Variants in ST6GALNAC5 observed in about 807,000 individuals in gnomAD.
ST6GALNAC5 encodes the protein alpha-N-acetylgalactosaminide alpha-2,6-sialyltransferase 5.
Under a neutral mutation model 33.6 loss-of-function variants are expected in ST6GALNAC5, and 27 were observed. The observed-to-expected ratio is 0.80, with a 90% confidence interval of 0.59 to 1.11. ST6GALNAC5 has a LOEUF of 1.11. Among genes scored for constraint, ST6GALNAC5 ranks in the 50% least tolerant of loss-of-function variants. ST6GALNAC5 has a pLI of 0.00. For missense variants in ST6GALNAC5, 428 were observed against 454.0 expected (o/e 0.94, Z 0.52); for synonymous variants, 194 against 171.2 (o/e 1.13, Z -1.04).
In ST6GALNAC5 at chr1:77,041,346, G is replaced by A. The variant is rs577799462; in HGVS notation, c.262-2858G>A. 4.6e-5 allele frequency among the ~76,000 whole-genome samples: 7 copies of A among 152,290 alleles called. No individual in the cohort carries two copies. In the East Asian group the frequency reaches 9.7e-4, roughly 21 times the overall value. ...TGGTTTGTCTGGGGGCACCCTCAAT[G>A]TGGACTGTATGCTCTTTTATTGTGT... On this transcript the variant is annotated intron_variant, in intron 2 of 4. Transcript: ENST00000477717.
At chr1:77,048,855 T>C (rs1652104454) in intron 3 of ST6GALNAC5, among the ~76,000 whole-genome samples, 1 of 152,180 alleles carries the variant, frequency 6.6e-6, no homozygotes, top group African/African-American at 2.4e-5. Flanking sequence ...CTATGCCTCC[T>C]TTATAGATAA....
chr1:76,990,008 A>G (rs1015362858), intron 2 of ST6GALNAC5, among the ~76,000 whole-genome samples: 2 of 152,280 alleles, frequency 1.3e-5, no homozygotes, highest in Admixed American at 1.3e-4. Flanking sequence ...GCTTTTAGAA[A>G]ATCTTAAAAG....
chr1:76,870,687 G>C (rs1653483449), intron 2 of ST6GALNAC5, among the ~76,000 whole-genome samples: 2 of 152,148 alleles, frequency 1.3e-5, no homozygotes, highest in Non-Finnish European at 2.9e-5. Context: ...TGTAGTAAAA[G>C]GGTTTTACAA....
At position 77,063,054 on chromosome 1, in the gene ST6GALNAC5, G is replaced by C; in HGVS notation, c.859G>C (p.Glu287Gln). The C allele has an allele frequency of 6.2e-7, 1 of 1,613,858 alleles. No individual in the cohort carries two copies. Among genetic ancestry groups the C allele is most frequent in the Non-Finnish European group, 8.5e-7 (1 of 1,179,912 alleles). ...TGAATGTACAATGTACCTCTCCCAT[G>C]AGCGAGGACGCAAGGGCAGTCATCA... Reference protein sequence around the residue: ...PDECTMYLSHERGRKGSHHRF... With the variant: ...PDECTMYLSHQRGRKGSHHRF... The change falls in exon 5 of 5, where the codon GAG becomes CAG. Residue 287 changes from glutamate to glutamine, a missense_variant. Physicochemically the swap from Glu to Gln is conservative, Grantham distance 29. Transcript: ENST00000477717.
intron 2 of ST6GALNAC5, among the ~76,000 whole-genome samples, chr1:77,006,879 T>C (rs1650440779): frequency 6.6e-6 from 1 of 152,184 alleles, no homozygotes; most frequent in Non-Finnish European, 1.5e-5. Context: ...TGTTCTCAGA[T>C]GGCCTCAGTC....
intron 4 of ST6GALNAC5, among the ~76,000 whole-genome samples, chr1:77,060,757 G>T (rs1652549422): frequency 6.6e-6 from 1 of 152,058 alleles, no homozygotes; most frequent in Non-Finnish European, 1.5e-5. Context: ...TCTTTAGCTG[G>T]TTTCCAATTG....
chr1:76,940,166 CACGACTCT>C (rs1647299639), intron 2 of ST6GALNAC5, among the ~76,000 whole-genome samples: 1 of 152,026 alleles, frequency 6.6e-6, no homozygotes, highest in South Asian at 2.1e-4. Context: ...AATTACTGGA[CACGACTCT>C]AAGTAGCAGA....
rs202003034 is a variant in ST6GALNAC5 at position 76,944,877 on chromosome 1, G to GA, written c.261+76144dup. ...TTTTCTGCTCAGAATTCAACTGAGG[G>GA]AAAAAAAAATGTGTTTTGAGTAATA... On this transcript the variant is annotated intron_variant, in intron 2 of 4. Transcript: ENST00000477717. 3.5e-3 allele frequency among the ~76,000 whole-genome samples: 522 copies of GA among 150,840 alleles called. 2 individuals are homozygous for GA. The highest frequency in any genetic ancestry group is 0.012 in the African/African-American group (480 of 41,180).
chr1:76,963,123 T>C (rs1305338250), intron 2 of ST6GALNAC5, among the ~76,000 whole-genome samples: 1 of 152,172 alleles, frequency 6.6e-6, no homozygotes, highest in Non-Finnish European at 1.5e-5. Context: ...AGGAACAGAC[T>C]GAGCTAAGGC....
intron 2 of ST6GALNAC5, among the ~76,000 whole-genome samples, chr1:76,962,799 T>C (rs903518277): frequency 1.3e-5 from 2 of 152,222 alleles, no homozygotes; most frequent in African/African-American, 4.8e-5. Flanking sequence ...AATCAGATTT[T>C]TTCATAATCT....
At chr1:76,978,826 G>A (rs1480333647) in intron 2 of ST6GALNAC5, among the ~76,000 whole-genome samples, 2 of 152,304 alleles carry the variant, frequency 1.3e-5, no homozygotes, top group East Asian at 3.9e-4. Flanking sequence ...CTGAAAGGAG[G>A]AAGCCAAATT....
At chr1:76,978,960 G>A (rs916448207) in intron 2 of ST6GALNAC5, among the ~76,000 whole-genome samples, 3 of 152,008 alleles carry the variant, frequency 2.0e-5, no homozygotes, top group African/African-American at 7.2e-5. Flanking sequence ...ATAAAAATTA[G>A]TAGTATTTCT....
At chr1:77,021,363 A>G (rs1216239802) in intron 2 of ST6GALNAC5, among the ~76,000 whole-genome samples, 1 of 152,200 alleles carries the variant, frequency 6.6e-6, no homozygotes, top group African/African-American at 2.4e-5. Flanking sequence ...TTCTCTGTGA[A>G]ACTAGAATGT....
At chr1:76,973,034 T>C (rs1387519723) in intron 2 of ST6GALNAC5, among the ~76,000 whole-genome samples, 1 of 152,142 alleles carries the variant, frequency 6.6e-6, no homozygotes, top group Non-Finnish European at 1.5e-5. Flanking sequence ...AGGGTATTAG[T>C]CAATTGTCTG....
chr1:76,995,227 AT>A (rs1649883034), intron 2 of ST6GALNAC5, among the ~76,000 whole-genome samples: 2 of 152,184 alleles, frequency 1.3e-5, no homozygotes, highest in Admixed American at 6.5e-5. Context: ...GCAAGACCTC[AT>A]CTCTATAAAA....
At chr1:76,960,082 T>G (rs1045214586) in intron 2 of ST6GALNAC5, among the ~76,000 whole-genome samples, 1 of 152,182 alleles carries the variant, frequency 6.6e-6, no homozygotes, top group African/African-American at 2.4e-5. Context: ...TACACTATGT[T>G]GGTATATTCA....
rs1206121579 is a variant in ST6GALNAC5, at chr1:77,064,539, A to C, written c.*1333A>C. 1 of 152,156 alleles carries C rather than the reference A, an allele frequency of 6.6e-6. No individual in the cohort carries two copies. The highest frequency in any genetic ancestry group is 1.5e-5 in the Non-Finnish European group (1 of 68,036). 9.4% of individuals were successfully genotyped at this position (152,156 alleles called of 1,614,324 possible). A position where few individuals can be genotyped will look rare whatever the true frequency, so the allele number is the denominator to read the frequency against. On this transcript the variant is annotated 3_prime_UTR_variant, in exon 5 of 5. Coordinates refer to ENST00000477717, the MANE Select transcript of ST6GALNAC5 (RefSeq NM_030965.3). ...ACATGCCCTATCATTCAACTCATTT[A>C]TGCTATGAACTGTTTAGACTCACTA...
At chr1:76,871,482 G>A (rs1212762286) in intron 2 of ST6GALNAC5, 1 of 152,222 alleles carries the variant, frequency 6.6e-6, no homozygotes, top group African/African-American at 2.4e-5. Context: ...GTTACATGAT[G>A]TTGTTAACAT....
In ST6GALNAC5 at chr1:76,945,460, C is replaced by T. The variant is rs114067475; in HGVS notation, c.261+76718C>T. Among the ~76,000 whole-genome samples the T allele has an allele frequency of 4.3e-3, 654 of 152,194 alleles. 2 individuals are homozygous for T. Among genetic ancestry groups the T allele is most frequent in the African/African-American group, 0.015 (630 of 41,552 alleles). ...TGAACCAAAGTCATAAATCATCCCC[C>T]TCTATTCCCTATTTTTCAGGTGTTA... On this transcript the variant is annotated intron_variant, in intron 2 of 4. Coordinates refer to ENST00000477717, the MANE Select transcript of ST6GALNAC5 (RefSeq NM_030965.3).
Sources: allele counts gnomAD v4.1 joint callset (sites outside exome capture counted in the v4.1 genomes callset), GRCh38; gene constraint gnomAD v4.1.1; transcripts MANE v1.5; gene names NCBI Gene and HGNC (gene_info 2026-07-23, HGNC 2026-07-21).